ELAVL4: variants seen among roughly 807,000 people sequenced by gnomAD.
ELAVL4 encodes the protein ELAV-like protein 4.
ELAVL4 carries 1 observed loss-of-function variant against 35.6 expected under a neutral mutation model. The observed-to-expected ratio is 0.03, with a 90% CI of 0.01 to 0.13. The LOEUF (loss-of-function observed/expected upper bound fraction) is 0.13, where lower values mean the gene tolerates loss of function less well. Among genes scored for constraint, ELAVL4 ranks in the 10% least tolerant of loss-of-function variants. The pLI is 1.00. For missense variants in ELAVL4, 267 were observed against 464.9 expected, an observed-to-expected ratio of 0.57 and a Z score of 3.91; for synonymous variants, 156 against 171.0, an observed-to-expected ratio of 0.91 and a Z score of 0.69.
At chr1:50,196,616 C>T (rs1358950137) in intron 5 of ELAVL4, among the ~76,000 whole-genome samples, 1 of 152,164 alleles carries the variant, frequency 6.6e-6, no homozygotes, top group Non-Finnish European at 1.5e-5. Context: ...TAGTATGCTC[C>T]ATCTGGCTAC....
At chr1:50,050,833 T>TA (rs1663323361) in intron 1 of ELAVL4, among the ~76,000 whole-genome samples, 1 of 152,180 alleles carries the variant, frequency 6.6e-6, no homozygotes, top group African/African-American at 2.4e-5. Flanking sequence ...TTGCATCCCT[T>TA]TTCCTGCTTT....
intron 1 of ELAVL4, among the ~76,000 whole-genome samples, chr1:50,080,325 A>C (rs1179577295): frequency 6.6e-6 from 1 of 152,286 alleles, no homozygotes; most frequent in East Asian, 1.9e-4. Context: ...AAGATCAAGA[A>C]TATTGAGCAA....
At chr1:50,199,740 A>AAAAG (rs1199423645) in intron 6 of ELAVL4, among the ~76,000 whole-genome samples, 1 of 152,090 alleles carries the variant, frequency 6.6e-6, no homozygotes, top group East Asian at 1.9e-4. Context: ...GAAAGAAAAA[A>AAAAG]AAAGAAAAAA....
intron 1 of ELAVL4, among the ~76,000 whole-genome samples, chr1:50,064,699 C>A (rs1023422979): frequency 6.6e-6 from 1 of 152,192 alleles, no homozygotes; most frequent in African/African-American, 2.4e-5. Context: ...AGAGAATTTC[C>A]CATCCTATTA....
intron 2 of ELAVL4, among the ~76,000 whole-genome samples, chr1:50,152,836 T>G (rs1251051255): frequency 6.6e-6 from 1 of 152,234 alleles, no homozygotes; most frequent in African/African-American, 2.4e-5. Context: ...AAGATAAAAT[T>G]CAGATAGAGA....
intron 2 of ELAVL4, among the ~76,000 whole-genome samples, chr1:50,153,338 T>A: frequency 6.6e-6 from 1 of 152,256 alleles, no homozygotes; most frequent in Non-Finnish European, 1.5e-5. Flanking sequence ...AGGCATATTA[T>A]AGATGTTATC....
intron 1 of ELAVL4, among the ~76,000 whole-genome samples, chr1:50,089,938 T>A (rs1272452514): frequency 6.6e-6 from 1 of 152,098 alleles, no homozygotes; most frequent in Non-Finnish European, 1.5e-5. Context: ...ATGGGGAAAC[T>A]CAACGCCTAA....
Position 50,109,015 on chromosome 1 carries a change from T to TCCCTCCCCC in ELAVL4, c.-172_-171insTCCCCCCCC. 1 of 961,076 alleles carries TCCCTCCCCC rather than the reference T, an allele frequency of 1.0e-6. No individual in the cohort carries two copies. The highest frequency in any genetic ancestry group is 1.2e-6 in the Non-Finnish European group (1 of 816,956). The allele number at this position is 961,076 out of a possible 1,614,324, so 59.5% of individuals were successfully genotyped here. On this transcript the variant is annotated 5_prime_UTR_variant, in exon 1 of 7. Transcript: ENST00000371824. ...GCTCCTTTTCTTTTTTTTCTTTCTC[T>TCCCTCCCCC]CCCCCGCCCACCCCCCCAAAAATAA...
At chr1:50,154,909 A>T (rs1675455183) in intron 2 of ELAVL4, among the ~76,000 whole-genome samples, 1 of 152,242 alleles carries the variant, frequency 6.6e-6, no homozygotes, top group Admixed American at 6.5e-5. Flanking sequence ...CAATTTTTTT[A>T]AAAAACAGAA....
intron 2 of ELAVL4, 112 bp downstream of exon 2, chr1:50,145,309 A>C: frequency 6.7e-7 from 1 of 1,483,070 alleles, no homozygotes; most frequent in Non-Finnish European, 9.2e-7. Flanking sequence ...TGCATGCAAG[A>C]TGGCATGGAT....
Position 50,195,744 on chromosome 1 carries a change from G to A in ELAVL4, c.692G>A (p.Arg231Gln), listed in dbSNP as rs1345370346. Residue 231 changes from arginine to glutamine, a missense_variant, in exon 5 of 7, where the codon CGG (arginine) becomes CAG (glutamine). This residue lies in a region of ELAVL4 where 216 missense variants were observed against 409.5 expected (regional missense o/e 0.53). Coordinates refer to ENST00000371824, the MANE Select transcript of ELAVL4 (RefSeq NM_001144774.3). ...TCCCAGCTCTACCAGTCCCCCAACC[G>A]GCGCTACCCAGGTCCACTTCACCAC... ...LLSQLYQSPNRRYPGPLHHQA... is the reference protein window; with the variant it reads ...LLSQLYQSPNQRYPGPLHHQA... 8.7e-6 allele frequency: 14 copies of A among 1,613,966 alleles called. No individual in the cohort carries two copies. Among genetic ancestry groups the A allele is most frequent in the Admixed American group, 1.7e-5 (1 of 59,998 alleles).
In ELAVL4 at chr1:50,202,319, A is replaced by C. The variant is rs1007944422; in HGVS notation, c.*1141A>C. 2.0e-4 allele frequency: 31 copies of C among 152,286 alleles called. No individual in the cohort carries two copies. The highest frequency in any genetic ancestry group is 1.8e-3 in the Admixed American group (28 of 15,284). The allele number at this position is 152,286 out of a possible 1,614,324, so 9.4% of individuals were successfully genotyped here. A position where few individuals can be genotyped will look rare whatever the true frequency, so the allele number is the denominator to read the frequency against. On this transcript the variant is annotated 3_prime_UTR_variant, in exon 7 of 7. Transcript: ENST00000371824. ...AGATTAATTTTCCTTTTGATCTAAA[A>C]CTTCCTTAGTTTGAGCAGTAGGTGC...
chr1:50,106,331 G>A (rs767243659), upstream of ELAVL4: 2 of 1,613,702 alleles, frequency 1.2e-6, no homozygotes, highest in Middle Eastern at 1.7e-4. Flanking sequence ...GGGGCTGACT[G>A]ATATGAGATT....
At chr1:50,200,665 G>T (rs1644347162) in intron 6 of ELAVL4, 186 bp from the exon 7 acceptor site, 2 of 1,247,306 alleles carry the variant, frequency 1.6e-6, no homozygotes, top group Admixed American at 2.4e-5. Context: ...GCCCTAGCCA[G>T]TCAAGCCATT....
At chr1:50,114,215 T>C (rs1667559365) in intron 1 of ELAVL4, among the ~76,000 whole-genome samples, 1 of 151,864 alleles carries the variant, frequency 6.6e-6, no homozygotes, top group Non-Finnish European at 1.5e-5. Flanking sequence ...TGTATGTGAG[T>C]GTATATGGAT....
chr1:50,123,146 T>C (rs1231111344), intron 1 of ELAVL4, among the ~76,000 whole-genome samples: 4 of 152,032 alleles, frequency 2.6e-5, no homozygotes, highest in African/African-American at 9.7e-5. Context: ...AATTGCATCA[T>C]CAGAATTTCA....
intron 3 of ELAVL4, among the ~76,000 whole-genome samples, chr1:50,178,039 T>C (rs1680361591): frequency 1.3e-5 from 2 of 152,172 alleles, no homozygotes; most frequent in Non-Finnish European, 2.9e-5. Flanking sequence ...GGGGATTCCC[T>C]TGGGCAGCCG....
chr1:50,142,373 T>C (rs968783859), intron 1 of ELAVL4, among the ~76,000 whole-genome samples: 1 of 152,064 alleles, frequency 6.6e-6, no homozygotes, highest in Non-Finnish European at 1.5e-5. Flanking sequence ...ACAGCTAATT[T>C]TGTATTTTCA....
intron 3 of ELAVL4, among the ~76,000 whole-genome samples, chr1:50,178,539 C>T (rs966579182): frequency 2.0e-5 from 3 of 152,292 alleles, no homozygotes. Flanking sequence ...TGATCTCATA[C>T]AGCCTGATAC....
Sources: gnomAD v4.1 joint callset for allele counts (sites outside exome capture counted in the v4.1 genomes callset) on GRCh38, gnomAD v4.1.1 for gene constraint, gnomAD v4.1.1 regional missense constraint, MANE v1.5 for transcripts, NCBI Gene and HGNC (gene_info 2026-07-23, HGNC 2026-07-21) for gene names.